Variants in SNX13 observed in about 807,000 individuals in gnomAD.
The protein encoded by SNX13 is sorting nexin 13.
A neutral mutation model predicts 133.6 loss-of-function variants in SNX13; 45 were observed. The ratio of observed to expected loss-of-function variants is 0.34; its 90% CI spans 0.27 to 0.43. The LOEUF is 0.43. Ranked by LOEUF, SNX13 falls within the 20% of genes least tolerant of loss-of-function variation. SNX13 has a pLI of 1.00. For missense variants in SNX13, 1,032 were observed against 1,145.1 expected (o/e 0.90, Z 1.43); for synonymous variants, 414 against 373.9 (o/e 1.11, Z -1.24).
chr7:17,823,148 C>T (rs1397983926), intron 17 of SNX13, among the ~76,000 whole-genome samples: 1 of 152,148 alleles, frequency 6.6e-6, no homozygotes, highest in Admixed American at 6.5e-5. Flanking sequence ...CTACTATGAG[C>T]CCCTTGCTTT....
At chr7:17,903,176 A>G (rs1583701019) in intron 1 of SNX13, among the ~76,000 whole-genome samples, 1 of 152,196 alleles carries the variant, frequency 6.6e-6, no homozygotes, top group Non-Finnish European at 1.5e-5. Flanking sequence ...TCTCAAGATC[A>G]TCTACTGCAA....
intron 24 of SNX13, among the ~76,000 whole-genome samples, chr7:17,798,339 G>T (rs1583444794): frequency 1.3e-5 from 2 of 151,784 alleles, no homozygotes; most frequent in East Asian, 3.9e-4. Context: ...ATGAAGGTTA[G>T]AAAATACAAC....
rs181924277 is a variant in SNX13 at position 17,871,296 on chromosome 7, C to T, written c.753+2232G>A. Among the ~76,000 whole-genome samples, 795 of 152,148 alleles carry T rather than the reference C, an allele frequency of 5.2e-3. 9 individuals are homozygous for T. Among genetic ancestry groups the T allele is most frequent in the African/African-American group, 0.018 (750 of 41,520 alleles). Reference sequence around the variant, plus strand: ...CTGGGATCACAGGCGTGAGCCACCGCGCCTGGCCAAGGAATCATTCTTAAC... The same window carrying T: ...CTGGGATCACAGGCGTGAGCCACCGTGCCTGGCCAAGGAATCATTCTTAAC... On this transcript the variant is annotated intron_variant, in intron 8 of 25. Transcript: ENST00000428135.
rs139229777 is a variant in SNX13 at position 17,860,004 on chromosome 7, A to G, written c.837+8403T>C. ...AAGATCCTGTTTTCAATTCTTTTGGATAGAGACCTAGACGTGGGATTGTTA... is the reference window on the plus strand; with the variant it reads ...AAGATCCTGTTTTCAATTCTTTTGGGTAGAGACCTAGACGTGGGATTGTTA... On this transcript the variant is annotated intron_variant, in intron 9 of 25. Coordinates refer to ENST00000428135, the MANE Select transcript of SNX13 (RefSeq NM_015132.5). Among the ~76,000 whole-genome samples, 7 of 152,222 alleles carry G rather than the reference A, an allele frequency of 4.6e-5. No individual in the cohort carries two copies. In the East Asian group the frequency reaches 1.3e-3, roughly 29 times the overall value.
chr7:17,838,441 T>C (rs1789417931), intron 13 of SNX13, among the ~76,000 whole-genome samples: 1 of 151,964 alleles, frequency 6.6e-6, no homozygotes, highest in African/African-American at 2.4e-5. Context: ...CTTTTGGTTT[T>C]AGATTTTCAC....
chr7:17,868,636 A>C, intron 8 of SNX13, 146 bp from the exon 9 acceptor site: 1 of 600,226 alleles, frequency 1.7e-6, no homozygotes, highest in Non-Finnish European at 2.9e-6. Context: ...GTCTTATAAA[A>C]AGATGAACTA....
chr7:17,937,025 A>T (rs73680532), intron 1 of SNX13, among the ~76,000 whole-genome samples: 26,627 of 148,654 alleles, frequency 0.18, 2,799 homozygotes, highest in South Asian at 0.38. Flanking sequence ...TAAAATAAAA[A>T]AAAAAAAACT....
intron 3 of SNX13, among the ~76,000 whole-genome samples, chr7:17,892,252 G>A (rs563662108): frequency 2.8e-4 from 42 of 151,422 alleles, no homozygotes; most frequent in Non-Finnish European, 4.9e-4. Flanking sequence ...ATGAAACCAC[G>A]GATATTTTTT....
intron 17 of SNX13, among the ~76,000 whole-genome samples, chr7:17,823,936 T>C (rs973359290): frequency 2.0e-5 from 3 of 151,870 alleles, no homozygotes; most frequent in African/African-American, 4.8e-5. Flanking sequence ...ATAATCAGGA[T>C]TTGTCAAAAA....
intron 5 of SNX13, chr7:17,889,406 A>G (rs1338050905): frequency 6.6e-6 from 1 of 152,076 alleles, no homozygotes. Flanking sequence ...TAATCAATGG[A>G]GATAGAGGAA....
intron 2 of SNX13, among the ~76,000 whole-genome samples, chr7:17,895,948 A>G (rs970928221): frequency 2.0e-5 from 3 of 152,174 alleles, no homozygotes; most frequent in Non-Finnish European, 2.9e-5. Context: ...TCAATCTTAC[A>G]AGGGCTAATA....
chr7:17,876,155 T>C (rs1326938112), intron 5 of SNX13, among the ~76,000 whole-genome samples: 1 of 152,234 alleles, frequency 6.6e-6, no homozygotes, highest in African/African-American at 2.4e-5. Flanking sequence ...TTCTGAATAG[T>C]TTTGTTTGCT....
chr7:17,876,244 A>G (rs1352382111), intron 5 of SNX13, among the ~76,000 whole-genome samples: 1 of 152,334 alleles, frequency 6.6e-6, no homozygotes, highest in East Asian at 1.9e-4. Flanking sequence ...TTAGCTATGC[A>G]ACACATGTTC....
At chr7:17,874,018 C>G (rs1794411594) in intron 7 of SNX13, among the ~76,000 whole-genome samples, 1 of 152,164 alleles carries the variant, frequency 6.6e-6, no homozygotes, top group South Asian at 2.1e-4. Flanking sequence ...CCTCCATCAT[C>G]TCAGCAGGCT....
Position 17,839,919 on chromosome 7 carries a change from T to C in SNX13, c.1247A>G (p.Gln416Arg). Residue 416 changes from glutamine to arginine, a missense_variant, in exon 13 of 26, where the codon CAG becomes CGG. Physicochemically the swap from Gln to Arg is conservative, Grantham distance 43 (BLOSUM62 1). Coordinates refer to ENST00000428135, the MANE Select transcript of SNX13 (RefSeq NM_015132.5). ...VEGYRVTAQQ[Q>R]LEVLLSRQRD... Reference sequence around the variant, plus strand: ...CTGACGACTTAATAAAACTTCTAGCTGCTGTTGGGCGGTAACCCGGTATCC... The same window carrying C: ...CTGACGACTTAATAAAACTTCTAGCCGCTGTTGGGCGGTAACCCGGTATCC... The C allele has an allele frequency of 6.2e-7, 1 of 1,612,196 alleles. No individual in the cohort carries two copies. The highest frequency in any genetic ancestry group is 8.5e-7 in the Non-Finnish European group (1 of 1,178,754).
At chr7:17,894,735 T>A (rs1335087217) in intron 2 of SNX13, among the ~76,000 whole-genome samples, 3 of 152,176 alleles carry the variant, frequency 2.0e-5, no homozygotes, top group Non-Finnish European at 4.4e-5. Flanking sequence ...GATCTTATAG[T>A]AATGTTACAA....
chr7:17,868,461 T>C lies in SNX13; in HGVS notation c.783A>G (p.Pro261=), dbSNP rs541060753. Residue 261 remains proline, a synonymous_variant, in exon 9 of 26, where the codon CCA becomes CCG. Transcript: ENST00000428135. ...REILARGILL[P]LINQLSDPDY... Reference sequence around the variant, plus strand: ...CAGGATCACTGAGTTGATTTATTAATGGAAGAAGAATTCCTCGTGCAAGGA... The same window carrying C: ...CAGGATCACTGAGTTGATTTATTAACGGAAGAAGAATTCCTCGTGCAAGGA... 6.2e-6 allele frequency: 10 copies of C among 1,609,928 alleles called. No individual in the cohort carries two copies. In the South Asian group the frequency reaches 8.9e-5, roughly 14 times the overall value.
At chr7:17,927,622 C>G (rs900471110) in intron 1 of SNX13, among the ~76,000 whole-genome samples, 1 of 152,160 alleles carries the variant, frequency 6.6e-6, no homozygotes, top group Non-Finnish European at 1.5e-5. Context: ...TTTAGATTGC[C>G]TGTCCTTATG....
chr7:17,932,081 G>A (rs1187035374), intron 1 of SNX13, among the ~76,000 whole-genome samples: 1 of 152,104 alleles, frequency 6.6e-6, no homozygotes, highest in Admixed American at 6.5e-5. Context: ...AATTGAAACA[G>A]TCAACAAAGT....
Sources: gnomAD v4.1 joint callset for allele counts (sites outside exome capture counted in the v4.1 genomes callset) on GRCh38, gnomAD v4.1.1 for gene constraint, MANE v1.5 for transcripts, NCBI Gene and HGNC (gene_info 2026-07-23, HGNC 2026-07-21) for gene names.